Variants in PNPLA6 observed in about 807,000 individuals in gnomAD.
PNPLA6 encodes the protein patatin like domain 6, lysophospholipase.
Under a neutral mutation model 153.7 loss-of-function variants are expected in PNPLA6, and 105 were observed. The observed-to-expected ratio is 0.68, with a 90% CI of 0.58 to 0.80. The LOEUF (loss-of-function observed/expected upper bound fraction) is 0.80. PNPLA6 is among the 30% of genes least tolerant of loss of function. PNPLA6 has a pLI of 0.00. For missense variants in PNPLA6, 1,423 were observed against 1,919.3 expected, an observed-to-expected ratio of 0.74 and a Z score of 4.83; for synonymous variants, 825 against 822.2, an observed-to-expected ratio of 1.00 and a Z score of -0.06.
At chr19:7,558,748 T>TA in intron 27 of PNPLA6, 102 bp from the exon 28 acceptor site, 1 of 808,382 alleles carries the variant, frequency 1.2e-6, no homozygotes, top group Non-Finnish European at 2.0e-6. Context: ...TCTCTTTTTT[T>TA]TTTGCGTGAT....
At chr19:7,557,057 C>G in intron 26 of PNPLA6, 111 bp from the exon 27 acceptor site, 2 of 830,494 alleles carry the variant, frequency 2.4e-6, no homozygotes, top group Non-Finnish European at 4.1e-6. Flanking sequence ...TGCTGGTGGA[C>G]GGGTGCTACG....
rs975259569 is a variant in PNPLA6, at chr19:7,540,898, C to G, written c.796-25C>G. On this transcript the variant is annotated intron_variant, in intron 6 of 31. Coordinates refer to ENST00000600737, the MANE Select transcript of PNPLA6 (RefSeq NM_001166114.2). This position sits in a 1 kb window ranked among gnomAD's most constrained non-coding sequence, Gnocchi z 6.8. ...GGACTCGCAGCCTCTGCCCTTGTCT[C>G]TCTTCACGCCCTCCCCTCCCCCAGG... 4 of 1,613,018 alleles carry G rather than the reference C, an allele frequency of 2.5e-6. No homozygotes were observed. Among genetic ancestry groups the G allele is most frequent in the Non-Finnish European group, 3.4e-6 (4 of 1,179,904 alleles).
chr19:7,555,109 C>T lies in PNPLA6; in HGVS notation c.2817+34C>T, dbSNP rs1235541453. The T allele has an allele frequency of 4.4e-6, 7 of 1,583,528 alleles. No homozygotes were observed. Among genetic ancestry groups the T allele is most frequent in the African/African-American group, 1.3e-5 (1 of 74,814 alleles). Reference sequence around the variant, plus strand: ...CGGGCCGGCCCCCACCTTCTAGGGGCGTGGCTGGTGGGCGAGGCTTGGGAG... The same window carrying T: ...CGGGCCGGCCCCCACCTTCTAGGGGTGTGGCTGGTGGGCGAGGCTTGGGAG... On this transcript the variant is annotated intron_variant, in intron 22 of 31. Coordinates refer to ENST00000600737, the MANE Select transcript of PNPLA6 (RefSeq NM_001166114.2). This position sits in a 1 kb window ranked among gnomAD's most constrained non-coding sequence, Gnocchi z 6.3.
In PNPLA6 at chr19:7,555,528, G is replaced by A. The variant is rs1330698320; in HGVS notation, c.2937-79G>A. Reference sequence around the variant, plus strand: ...CGGGTCCTTTGTTCCTTAGCAGTGCGGGAGGTGGGAGGAGGTAGGGGCAGG... The same window carrying A: ...CGGGTCCTTTGTTCCTTAGCAGTGCAGGAGGTGGGAGGAGGTAGGGGCAGG... On this transcript the variant is annotated intron_variant, in intron 23 of 31. Transcript: ENST00000600737. The surrounding 1 kb of genome is among the most constrained non-coding windows in gnomAD (Gnocchi z 6.3). 1.8e-5 allele frequency: 28 copies of A among 1,517,842 alleles called. 1 individual carries two copies. The highest frequency in any genetic ancestry group is 1.4e-4 in the South Asian group (12 of 84,078). 94.0% of individuals were successfully genotyped at this position (1,517,842 alleles called of 1,614,324 possible).
chr19:7,536,161 C>T (rs779866968), intron 1 of PNPLA6, 30 bp from the exon 2 acceptor site: 70 of 1,537,508 alleles, frequency 4.6e-5, no homozygotes, highest in Admixed American at 1.0e-4. Context: ...GCACAGAGCT[C>T]GGAGTGCCCC....
At chr19:7,536,972 G>A (rs1185744020) in intron 3 of PNPLA6, among the ~76,000 whole-genome samples, 3 of 136,188 alleles carry the variant, frequency 2.2e-5, no homozygotes, top group Non-Finnish European at 4.8e-5. Flanking sequence ...GAAGAAGAAA[G>A]TCTTCCTGTT....
In PNPLA6 at chr19:7,555,240, C is replaced by G. The variant is rs759090007; in HGVS notation, c.2818-9C>G. On this transcript the variant is annotated splice_polypyrimidine_tract_variant and intron_variant, in intron 22 of 31. Coordinates refer to ENST00000600737, the MANE Select transcript of PNPLA6 (RefSeq NM_001166114.2). The surrounding 1 kb of genome is among the most constrained non-coding windows in gnomAD (Gnocchi z 6.3). ...TGCTCCTGGGTCGCGACTATCTCCC[C>G]CATCCCAGCATGAGCTCTACGAGAA... is the stretch of plus-strand genomic sequence containing the variant. The G allele has an allele frequency of 1.3e-6, 2 of 1,589,926 alleles. No individual in the cohort carries two copies. The highest frequency in any genetic ancestry group is 3.5e-5 in the Admixed American group (2 of 57,108).
chr19:7,535,129 G>A (rs1424646447), upstream of PNPLA6: 2 of 356,488 alleles, frequency 5.6e-6, no homozygotes, highest in Non-Finnish European at 1.1e-5. This position sits in a 1 kb window ranked among gnomAD's most constrained non-coding sequence, Gnocchi z 5.0. Context: ...CCCTGCAGAG[G>A]GCAGTGACCC....
intron 27 of PNPLA6, 145 bp downstream of exon 27, chr19:7,557,429 T>TA: frequency 1.4e-6 from 1 of 692,876 alleles, no homozygotes; most frequent in Middle Eastern, 2.4e-4. Context: ...TGCGCACACA[T>TA]ACGATCACTT....
At chr19:7,559,608 G>A (rs921709960) in intron 28 of PNPLA6, among the ~76,000 whole-genome samples, 1 of 151,814 alleles carries the variant, frequency 6.6e-6, no homozygotes, top group African/African-American at 2.4e-5. Flanking sequence ...GGAAGCTGAG[G>A]TGGGAGGATT....
Position 7,559,091 on chromosome 19 carries a change from C to A in PNPLA6, c.3639C>A (p.Tyr1213Ter). ...TCAAGTCCAGCTCCTACTGCGAGTACCTGCGCCCGCCCATCGACTGCTTCA... is the reference window on the plus strand; with the variant it reads ...TCAAGTCCAGCTCCTACTGCGAGTAACTGCGCCCGCCCATCGACTGCTTCA... Reference protein sequence around the residue: ...EVVKSSSYCEYLRPPIDCFKT... With the variant: ...EVVKSSSYCE The change falls in exon 28 of 32, where the codon TAC (tyrosine) becomes TAA (stop). Residue 1213 changes from tyrosine (Y) to a stop codon, truncating the protein, a stop_gained. Transcript: ENST00000600737. LOFTEE classifies it high-confidence loss of function. The A allele has an allele frequency of 1.9e-6, 3 of 1,614,214 alleles. No individual in the cohort carries two copies. The highest frequency in any genetic ancestry group is 2.5e-6 in the Non-Finnish European group (3 of 1,180,034).
chr19:7,543,154 C>A, intron 13 of PNPLA6, 70 bp downstream of exon 13: 1 of 1,325,532 alleles, frequency 7.5e-7, no homozygotes, highest in Non-Finnish European at 1.1e-6. Flanking sequence ...GACCTCTGAT[C>A]CCTGCCCTTT....
intron 16 of PNPLA6, 113 bp from the exon 17 acceptor site, chr19:7,550,881 T>A (rs1181360396): frequency 1.1e-6 from 1 of 935,308 alleles, no homozygotes; most frequent in African/African-American, 1.6e-5. Flanking sequence ...CTTGCTTCCC[T>A]ACACCCCCAT....
In PNPLA6 at chr19:7,536,029, C is replaced by T. The variant is rs1268913123; in HGVS notation, c.232+9C>T. On this transcript the variant is annotated intron_variant, in intron 1 of 31. Transcript: ENST00000600737. ...GAGGCTGCGAGTGCCAAGTGAGCAC[C>T]CGAGGGGCCCCTCTTGGGAGGCTGT... 1.3e-6 allele frequency: 2 copies of T among 1,574,836 alleles called. No individual in the cohort carries two copies. The highest frequency in any genetic ancestry group is 1.3e-5 in the African/African-American group (1 of 74,202).
At chr19:7,553,452 C>T (rs993453020) in intron 18 of PNPLA6, among the ~76,000 whole-genome samples, 1 of 152,142 alleles carries the variant, frequency 6.6e-6, no homozygotes, top group Non-Finnish European at 1.5e-5. Context: ...AGTGTTTCTC[C>T]ATGTTGGCTA....
At chr19:7,534,263 TC>T, upstream of PNPLA6, 1 of 292,166 alleles carries the variant, frequency 3.4e-6, no homozygotes, top group Non-Finnish European at 6.6e-6. Context: ...TCCGTTAGCC[TC>T]GCAGGGGTGT....
At position 7,556,446 on chromosome 19, in the gene PNPLA6, T is replaced by G; in HGVS notation, c.3094-7T>G. Reference sequence around the variant, plus strand: ...CTATTTGACCCTGTCTGGCCCCTTGTCCCTAGAGCATGACTTCGGTGCTGG... The same window carrying G: ...CTATTTGACCCTGTCTGGCCCCTTGGCCCTAGAGCATGACTTCGGTGCTGG... On this transcript the variant is annotated splice_region_variant and splice_polypyrimidine_tract_variant and intron_variant, in intron 24 of 31. Coordinates refer to ENST00000600737, the MANE Select transcript of PNPLA6 (RefSeq NM_001166114.2). 6.3e-7 allele frequency: 1 copy of G among 1,581,578 alleles called. No individual in the cohort carries two copies. The highest frequency in any genetic ancestry group is 1.7e-5 in the Admixed American group (1 of 59,984).
At chr19:7,551,152 CG>C (rs752631393) in intron 17 of PNPLA6, 45 bp downstream of exon 17, 44 of 251,096 alleles carry the variant, frequency 1.8e-4, no homozygotes, top group Non-Finnish European at 2.2e-4. Flanking sequence ...GGCGGGACTC[CG>C]GGGGGGTGGG....
Position 7,535,951 on chromosome 19 carries a change from G to A in PNPLA6, c.163G>A (p.Gly55Arg). Residue 55 changes from glycine to arginine, a missense_variant, in exon 1 of 32, where the codon GGG (glycine) becomes AGG (arginine). Around this residue, in one of 10 missense-constraint regions of PNPLA6, gnomAD observed 109 missense variants for 109.4 expected, o/e 1.00. Transcript: ENST00000600737. This position sits in a 1 kb window ranked among gnomAD's most constrained non-coding sequence, Gnocchi z 5.0. ...FVPQVLGVMI[G>R]AGVAVVVTAV... ...CCCTCAGGTGCTTGGCGTGATGATC[G>A]GGGCCGGAGTGGCGGTGGTGGTCAC... 6.3e-7 allele frequency: 1 copy of A among 1,588,470 alleles called. No homozygotes were observed. Among genetic ancestry groups the A allele is most frequent in the Non-Finnish European group, 8.5e-7 (1 of 1,171,696 alleles).
Sources: allele counts gnomAD v4.1 joint callset (sites outside exome capture counted in the v4.1 genomes callset), GRCh38; gene constraint gnomAD v4.1.1; regional missense constraint gnomAD v4.1.1; non-coding constraint Gnocchi (gnomAD v3.1); transcripts MANE v1.5; gene names NCBI Gene and HGNC (gene_info 2026-07-23, HGNC 2026-07-21).